The following MACROD1 variants were observed in gnomAD, a reference collection of about 807,000 sequenced individuals.
The protein encoded by MACROD1 is mono-ADP ribosylhydrolase 1, also known as ADP-ribose glycohydrolase MACROD1.
A neutral mutation model predicts 41.4 loss-of-function variants in MACROD1; 31 were observed. The observed-to-expected ratio is 0.75, with a 90% CI of 0.56 to 1.01. The LOEUF is 1.01. Ranked by LOEUF, MACROD1 falls within the 50% of genes least tolerant of loss-of-function variation. MACROD1 has a pLI of 0.00. For synonymous variants in MACROD1, 252 were observed against 203.4 expected, an observed-to-expected ratio of 1.24 and a Z score of -2.03; for missense variants, 473 against 460.0, an observed-to-expected ratio of 1.03 and a Z score of -0.26.
At chr11:64,080,148 G>A (rs1944277628) in intron 3 of MACROD1, among the ~76,000 whole-genome samples, 1 of 152,174 alleles carries the variant, frequency 6.6e-6, no homozygotes, top group Non-Finnish European at 1.5e-5. Context: ...GAGTAGCGGG[G>A]ATTACAGGCG....
intron 3 of MACROD1, among the ~76,000 whole-genome samples, chr11:64,042,205 C>T (rs1201815181): frequency 2.0e-5 from 3 of 152,196 alleles, no homozygotes; most frequent in Non-Finnish European, 4.4e-5. Context: ...CATGCTCACA[C>T]CTAACCCACC....
chr11:64,048,182 G>A (rs540760339), intron 3 of MACROD1, among the ~76,000 whole-genome samples: 30 of 152,348 alleles, frequency 2.0e-4, no homozygotes, highest in African/African-American at 6.0e-4. Flanking sequence ...TGGCCTCTCA[G>A]ACAGACAGGG....
chr11:64,078,945 G>C (rs1944254145), intron 3 of MACROD1, among the ~76,000 whole-genome samples: 1 of 152,194 alleles, frequency 6.6e-6, no homozygotes, highest in Non-Finnish European at 1.5e-5. Context: ...GGTTAAGGGT[G>C]GTGAATGGCG....
intron 3 of MACROD1, among the ~76,000 whole-genome samples, chr11:64,091,612 C>T (rs1032260206): frequency 3.3e-5 from 5 of 152,126 alleles, no homozygotes; most frequent in South Asian, 4.1e-4. Context: ...CAGCCTAGGA[C>T]GTTGCCGCCA....
intron 3 of MACROD1, among the ~76,000 whole-genome samples, chr11:64,140,279 G>A (rs1184933375): frequency 6.6e-6 from 1 of 152,274 alleles, no homozygotes; most frequent in Non-Finnish European, 1.5e-5. Context: ...CCCAATGGAA[G>A]GCAGAGCAGG....
At chr11:64,131,176 G>A (rs1590951879) in intron 3 of MACROD1, among the ~76,000 whole-genome samples, 1 of 152,214 alleles carries the variant, frequency 6.6e-6, no homozygotes, top group East Asian at 1.9e-4. Context: ...AGGCACTGCA[G>A]AGGGAAATGG....
chr11:64,095,984 C>CA (rs5792311), intron 3 of MACROD1, among the ~76,000 whole-genome samples: 131,904 of 152,174 alleles, frequency 0.87, 57,735 homozygotes, highest in South Asian at 0.93. Context: ...CCCCACCCCC[C>CA]AGGGGCCCAT....
chr11:64,127,776 G>T (rs915663459), intron 3 of MACROD1, among the ~76,000 whole-genome samples: 11 of 152,148 alleles, frequency 7.2e-5, no homozygotes, highest in Non-Finnish European at 1.3e-4. Context: ...AAGTGGGACT[G>T]TCCGGGTGTT....
intron 3 of MACROD1, among the ~76,000 whole-genome samples, chr11:64,068,230 G>A (rs893554260): frequency 1.3e-5 from 2 of 152,226 alleles, no homozygotes; most frequent in African/African-American, 2.4e-5. Context: ...GCACCTCCAC[G>A]CGGTGTCAGA....
At chr11:64,010,112 G>GGCTGGGGTGTTGGTTGGGGGGTTA in intron 4 of MACROD1, among the ~76,000 whole-genome samples, 1 of 149,394 alleles carries the variant, frequency 6.7e-6, no homozygotes, top group Non-Finnish European at 1.5e-5. Context: ...TTGGGGGGTT[G>GGCTGGGGTGTTGGTTGGGGGGTTA]GCTGGGGTGT....
chr11:64,138,891 C>CCGCGCT (rs1216877174), intron 3 of MACROD1, among the ~76,000 whole-genome samples: 6 of 152,092 alleles, frequency 3.9e-5, no homozygotes, highest in Admixed American at 3.3e-4. Context: ...CCTCAGCCTC[C>CCGCGCT]CGAGTAGCTG....
At chr11:64,014,275 G>A (rs1181144089) in intron 4 of MACROD1, among the ~76,000 whole-genome samples, 1 of 152,154 alleles carries the variant, frequency 6.6e-6, no homozygotes, top group Admixed American at 6.5e-5. Flanking sequence ...CCCTCATTCT[G>A]TGAGGCCTCT....
At chr11:64,089,570 C>T (rs779849091) in intron 3 of MACROD1, among the ~76,000 whole-genome samples, 6 of 152,212 alleles carry the variant, frequency 3.9e-5, no homozygotes, top group South Asian at 2.1e-4. Context: ...TCGGCAGCCA[C>T]GGACCAGAGA....
chr11:64,011,103 TGTTG>T (rs1338709276), intron 4 of MACROD1, among the ~76,000 whole-genome samples: 1 of 143,590 alleles, frequency 7.0e-6, no homozygotes, highest in Admixed American at 6.9e-5. Context: ...TTGGTTGGCA[TGTTG>T]GTTGGGGTGT....
At chr11:64,116,644 C>T in intron 3 of MACROD1, 2 of 1,614,140 alleles carry the variant, frequency 1.2e-6, no homozygotes, top group South Asian at 1.1e-5. Context: ...ATCAACCTGC[C>T]CCGCTCCCTC....
chr11:64,127,386 C>G (rs895321300), intron 3 of MACROD1, among the ~76,000 whole-genome samples: 1 of 152,092 alleles, frequency 6.6e-6, no homozygotes, highest in African/African-American at 2.4e-5. Flanking sequence ...ACCCCCTCCC[C>G]GGGCCTTGCC....
chr11:64,113,317 G>A (rs922108750), intron 3 of MACROD1, among the ~76,000 whole-genome samples: 1 of 152,236 alleles, frequency 6.6e-6, no homozygotes, highest in Non-Finnish European at 1.5e-5. Context: ...CTACAACAGG[G>A]CCTGGAATAT....
chr11:64,036,751 G>C lies in MACROD1; in HGVS notation c.518-21470C>G, dbSNP rs1252499806. ...CAGCCCTGAGCCGGGCGGGGGCTGG[G>C]GCCGTACACCTGGCGGCTGGAACGG... On this transcript the variant is annotated intron_variant, in intron 3 of 10. Transcript: ENST00000255681. This position sits in a 1 kb window ranked among gnomAD's most constrained non-coding sequence, Gnocchi z 5.6. 6.6e-6 allele frequency among the ~76,000 whole-genome samples: 1 copy of C among 152,232 alleles called. No homozygotes were observed. The highest frequency in any genetic ancestry group is 1.5e-5 in the Non-Finnish European group (1 of 68,038).
At chr11:64,093,966 G>A (rs552861601) in intron 3 of MACROD1, among the ~76,000 whole-genome samples, 22 of 152,246 alleles carry the variant, frequency 1.4e-4, no homozygotes, top group Non-Finnish European at 3.1e-4. Flanking sequence ...CTGGCTGATA[G>A]AAAGCACGGT....
Sources: allele counts gnomAD v4.1 joint callset (sites outside exome capture counted in the v4.1 genomes callset), GRCh38; gene constraint gnomAD v4.1.1; non-coding constraint Gnocchi (gnomAD v3.1); transcripts MANE v1.5; gene names NCBI Gene and HGNC (gene_info 2026-07-23, HGNC 2026-07-21).